Variants in LRRTM4 observed in about 807,000 individuals in gnomAD.
LRRTM4 encodes leucine-rich repeat transmembrane neuronal protein 4.
LRRTM4 carries 25 observed loss-of-function variants against 47.6 expected under a neutral mutation model. The observed-to-expected ratio is 0.53, with a 90% CI of 0.38 to 0.73. The LOEUF (loss-of-function observed/expected upper bound fraction) is 0.73, where lower values mean the gene tolerates loss of function less well. LRRTM4 is among the 30% of genes least tolerant of loss of function. LRRTM4 has a pLI of 0.00. For missense variants in LRRTM4, 638 were observed against 713.4 expected (o/e 0.89, Z 1.20); for synonymous variants, 311 against 269.5 (o/e 1.15, Z -1.51).
At chr2:76,862,298 G>C (rs1558699112) in intron 3 of LRRTM4, among the ~76,000 whole-genome samples, 1 of 152,110 alleles carries the variant, frequency 6.6e-6, no homozygotes, top group African/African-American at 2.4e-5. Context: ...CTGTTCTAAG[G>C]TGAGGAAGGC....
chr2:77,018,072 A>C lies in LRRTM4; in HGVS notation c.1552-269156T>G, dbSNP rs181109150. Among the ~76,000 whole-genome samples, 230 of 152,028 alleles carry C rather than the reference A, an allele frequency of 1.5e-3. 1 individual carries two copies. Among genetic ancestry groups the C allele is most frequent in the Non-Finnish European group, 2.9e-3 (199 of 67,974 alleles). On this transcript the variant is annotated intron_variant, in intron 3 of 3. Coordinates refer to ENST00000409884, the MANE Select transcript of LRRTM4 (RefSeq NM_001134745.3). ...CTTCTTTTTATAGCTTTGGTATACAAATTGTTTAATGTAAGAAAGAATTGA... is the reference window on the plus strand; with the variant it reads ...CTTCTTTTTATAGCTTTGGTATACACATTGTTTAATGTAAGAAAGAATTGA...
At chr2:77,466,658 A>G (rs1203332182) in intron 3 of LRRTM4, among the ~76,000 whole-genome samples, 1 of 151,892 alleles carries the variant, frequency 6.6e-6, no homozygotes, top group Non-Finnish European at 1.5e-5. Flanking sequence ...TCTGTCTCCA[A>G]TAAAATATTT....
intron 3 of LRRTM4, among the ~76,000 whole-genome samples, chr2:77,411,550 T>A (rs1674432893): frequency 1.3e-5 from 2 of 148,794 alleles, no homozygotes; most frequent in Non-Finnish European, 3.0e-5. Context: ...CCTCCCGGGT[T>A]CACGCCATTC....
intron 3 of LRRTM4, among the ~76,000 whole-genome samples, chr2:76,910,462 A>C (rs1674012140): frequency 6.6e-6 from 1 of 152,144 alleles, no homozygotes; most frequent in South Asian, 2.1e-4. Context: ...TAACCTGCAC[A>C]TTGTGCACAT....
At chr2:76,781,322 C>G (rs1035708887) in intron 3 of LRRTM4, among the ~76,000 whole-genome samples, 3 of 152,204 alleles carry the variant, frequency 2.0e-5, no homozygotes, top group Non-Finnish European at 4.4e-5. Context: ...CTAATCAAGC[C>G]TGTTCAATGG....
chr2:77,169,230 C>A (rs1350304570), intron 3 of LRRTM4, among the ~76,000 whole-genome samples: 2 of 152,088 alleles, frequency 1.3e-5, no homozygotes, highest in Non-Finnish European at 2.9e-5. Context: ...CCGGAGCAAT[C>A]AGGCAAGGGA....
At chr2:77,475,318 C>T (rs990749934) in intron 3 of LRRTM4, among the ~76,000 whole-genome samples, 3 of 151,996 alleles carry the variant, frequency 2.0e-5, no homozygotes, top group African/African-American at 4.8e-5. Flanking sequence ...CGTATTTTTC[C>T]TTTTGGGAAA....
chr2:77,086,384 T>C (rs922596670), intron 3 of LRRTM4, among the ~76,000 whole-genome samples: 6 of 151,734 alleles, frequency 4.0e-5, no homozygotes, highest in Admixed American at 1.3e-4. Context: ...AAATTTTGCA[T>C]ATTTTTTACT....
At chr2:77,027,966 T>C (rs1443786087) in intron 3 of LRRTM4, among the ~76,000 whole-genome samples, 1 of 134,938 alleles carries the variant, frequency 7.4e-6, no homozygotes, top group Non-Finnish European at 1.6e-5. Flanking sequence ...TCTTATCTAG[T>C]ATTTGTTTAC....
chr2:76,911,340 G>A (rs554017123), intron 3 of LRRTM4, among the ~76,000 whole-genome samples: 2 of 152,100 alleles, frequency 1.3e-5, no homozygotes, highest in African/African-American at 4.8e-5. Flanking sequence ...AGTTCACTAA[G>A]GATTTCTTAA....
intron 3 of LRRTM4, among the ~76,000 whole-genome samples, chr2:77,137,367 C>G (rs1192425008): frequency 6.6e-6 from 1 of 151,832 alleles, no homozygotes; most frequent in African/African-American, 2.4e-5. Flanking sequence ...TCATATCCAG[C>G]CAAACTAAGC....
intron 3 of LRRTM4, among the ~76,000 whole-genome samples, chr2:77,000,387 A>G (rs1677374460): frequency 6.6e-6 from 1 of 152,174 alleles, no homozygotes; most frequent in Non-Finnish European, 1.5e-5. Context: ...AAGGGTTACA[A>G]TAAATGAGAG....
intron 3 of LRRTM4, among the ~76,000 whole-genome samples, chr2:77,061,773 GAACA>G (rs1184561706): frequency 6.6e-6 from 1 of 152,064 alleles, no homozygotes; most frequent in African/African-American, 2.4e-5. Flanking sequence ...TCATTAATGT[GAACA>G]ATCATGAGTT....
intron 3 of LRRTM4, among the ~76,000 whole-genome samples, chr2:77,424,696 A>T (rs1675038843): frequency 6.6e-6 from 1 of 152,336 alleles, no homozygotes; most frequent in African/African-American, 2.4e-5. Context: ...CAGTTCATAT[A>T]AACTTCTTGA....
intron 3 of LRRTM4, among the ~76,000 whole-genome samples, chr2:76,974,223 C>CATATATAT (rs1294649444): frequency 0.12 from 14,414 of 115,418 alleles, 1,046 homozygotes; most frequent in Admixed American, 0.2. Flanking sequence ...CATATATATA[C>CATATATAT]ATACATATAT....
intron 3 of LRRTM4, among the ~76,000 whole-genome samples, chr2:77,466,131 G>T (rs774761722): frequency 2.6e-5 from 4 of 152,120 alleles, no homozygotes; most frequent in Non-Finnish European, 5.9e-5. Context: ...AGAAACAATA[G>T]AATTAAATTC....
chr2:77,427,379 T>G (rs557942038), intron 3 of LRRTM4, among the ~76,000 whole-genome samples: 1 of 152,350 alleles, frequency 6.6e-6, no homozygotes, highest in South Asian at 2.1e-4. Flanking sequence ...TAGTCCACAG[T>G]ACAGTTATGG....
chr2:77,388,732 A>G (rs1673384498), intron 3 of LRRTM4, among the ~76,000 whole-genome samples: 1 of 152,092 alleles, frequency 6.6e-6, no homozygotes, highest in African/African-American at 2.4e-5. Flanking sequence ...TTTCCAAGAC[A>G]GCCATGCTGG....
At chr2:77,070,578 T>C (rs948838387) in intron 3 of LRRTM4, among the ~76,000 whole-genome samples, 1 of 152,174 alleles carries the variant, frequency 6.6e-6, no homozygotes. Flanking sequence ...TCTACTAAGA[T>C]ATTGTATCTT....
Sources: gnomAD v4.1 joint callset for allele counts (sites outside exome capture counted in the v4.1 genomes callset) on GRCh38, gnomAD v4.1.1 for gene constraint, MANE v1.5 for transcripts, NCBI Gene and HGNC (gene_info 2026-07-23, HGNC 2026-07-21) for gene names.